The following ELAVL2 variants were observed in gnomAD, a reference collection of about 807,000 sequenced individuals.
ELAVL2 encodes the protein ELAV like RNA binding protein 2.
ELAVL2 carries 4 observed loss-of-function variants against 34.6 expected under a neutral mutation model. That is an observed-to-expected ratio of 0.12 (90% CI 0.06 to 0.26). The LOEUF (loss-of-function observed/expected upper bound fraction) is 0.26, where lower values mean the gene tolerates loss of function less well. ELAVL2 is among the 10% of genes least tolerant of loss of function. The probability of loss-of-function intolerance (pLI) is 1.00; values close to 1 mark genes in which losing one functional copy is unlikely to be tolerated. For synonymous variants in ELAVL2, 193 were observed against 154.8 expected, an observed-to-expected ratio of 1.25 and a Z score of -1.83; for missense variants, 432 against 442.8, an observed-to-expected ratio of 0.98 and a Z score of 0.22.
At chr9:23,700,739 T>C (rs1416318701) in intron 5 of ELAVL2, among the ~76,000 whole-genome samples, 1 of 152,146 alleles carries the variant, frequency 6.6e-6, no homozygotes, top group African/African-American at 2.4e-5. Context: ...GTAAACAATT[T>C]TGAAAAGGAA....
At chr9:23,714,782 G>C (rs957149132) in intron 3 of ELAVL2, among the ~76,000 whole-genome samples, 1 of 151,978 alleles carries the variant, frequency 6.6e-6, no homozygotes, top group East Asian at 1.9e-4. Flanking sequence ...TCGGCCACCT[G>C]ATGATTCAAT....
At chr9:23,712,444 A>C (rs1449609468) in intron 3 of ELAVL2, among the ~76,000 whole-genome samples, 4 of 152,168 alleles carry the variant, frequency 2.6e-5, no homozygotes, top group African/African-American at 9.6e-5. Flanking sequence ...GGAAATAATA[A>C]AACACATCAA....
intron 1 of ELAVL2, among the ~76,000 whole-genome samples, chr9:23,762,460 C>T (rs763347766): frequency 2.0e-5 from 3 of 152,070 alleles, no homozygotes; most frequent in Admixed American, 6.6e-5. Flanking sequence ...CATACATATT[C>T]CATACATGCA....
intron 5 of ELAVL2, among the ~76,000 whole-genome samples, chr9:23,696,762 G>A (rs964513620): frequency 2.6e-5 from 4 of 152,026 alleles, no homozygotes; most frequent in East Asian, 1.9e-4. Context: ...GAGCCACCAC[G>A]CCCAGCCATC....
At chr9:23,710,810 G>C (rs954911926) in intron 3 of ELAVL2, among the ~76,000 whole-genome samples, 1 of 152,136 alleles carries the variant, frequency 6.6e-6, no homozygotes, top group East Asian at 1.9e-4. Flanking sequence ...TAGGCTCTAA[G>C]TAAGCAGTAG....
intron 2 of ELAVL2, among the ~76,000 whole-genome samples, chr9:23,738,439 T>C (rs1160705034): frequency 1.3e-5 from 2 of 152,274 alleles, no homozygotes; most frequent in East Asian, 1.9e-4. Context: ...AAGATCAAAT[T>C]GTGAGATGGA....
chr9:23,735,913 G>C (rs1345197636), intron 2 of ELAVL2, among the ~76,000 whole-genome samples: 1 of 152,150 alleles, frequency 6.6e-6, no homozygotes, highest in South Asian at 2.1e-4. Context: ...AACCCGTTTA[G>C]TGGCAAAGTG....
chr9:23,809,266 G>A (rs891684789), intron 1 of ELAVL2, among the ~76,000 whole-genome samples: 3 of 152,042 alleles, frequency 2.0e-5, no homozygotes, highest in Non-Finnish European at 4.4e-5. Context: ...GCTTTCCATA[G>A]CACAAGGACA....
At chr9:23,729,620 T>C (rs1182271083) in intron 3 of ELAVL2, among the ~76,000 whole-genome samples, 2 of 152,154 alleles carry the variant, frequency 1.3e-5, no homozygotes, top group Non-Finnish European at 2.9e-5. Flanking sequence ...GTTCATTTTC[T>C]GATTGGTGAA....
chr9:23,759,644 C>T (rs2054398714), intron 2 of ELAVL2, among the ~76,000 whole-genome samples: 1 of 150,382 alleles, frequency 6.6e-6, no homozygotes. Flanking sequence ...AGCATCAAAA[C>T]ATCTCACTGT....
intron 3 of ELAVL2, among the ~76,000 whole-genome samples, chr9:23,711,213 G>A (rs1196075346): frequency 1.3e-5 from 2 of 152,166 alleles, no homozygotes; most frequent in African/African-American, 4.8e-5. Context: ...TTAAAGGTTA[G>A]GGCAGTTATC....
At chr9:23,840,424 T>G in the ELAVL2 span, among the ~76,000 whole-genome samples, 1 of 113,080 alleles carries the variant, frequency 8.8e-6, no homozygotes, top group Non-Finnish European at 2.1e-5. Context: ...CCACAGGTGA[T>G]TCTGATGAAC....
At chr9:23,743,658 C>G (rs2049821477) in intron 2 of ELAVL2, among the ~76,000 whole-genome samples, 1 of 152,120 alleles carries the variant, frequency 6.6e-6, no homozygotes, top group Non-Finnish European at 1.5e-5. Context: ...TCCTATGAAA[C>G]AGGAAAAACC....
chr9:23,761,894 C>G, intron 2 of ELAVL2, 112 bp downstream of exon 2: 1 of 1,334,254 alleles, frequency 7.5e-7, no homozygotes, highest in Non-Finnish European at 9.9e-7. Flanking sequence ...GAGAGAAAAT[C>G]TAGATATGTA....
chr9:23,749,704 A>T (rs1426549400), intron 2 of ELAVL2, among the ~76,000 whole-genome samples: 3 of 152,122 alleles, frequency 2.0e-5, no homozygotes, highest in Non-Finnish European at 4.4e-5. Context: ...TCCGGTGAAC[A>T]TTTCATTTAA....
chr9:23,718,446 T>G (rs1157146754), intron 3 of ELAVL2, among the ~76,000 whole-genome samples: 1 of 152,180 alleles, frequency 6.6e-6, no homozygotes, highest in Non-Finnish European at 1.5e-5. Flanking sequence ...GGGCAGCCTG[T>G]CTTTGGTAAT....
intron 3 of ELAVL2, among the ~76,000 whole-genome samples, chr9:23,716,574 G>A (rs926996349): frequency 6.6e-5 from 10 of 152,072 alleles, no homozygotes; most frequent in African/African-American, 1.9e-4. Context: ...GGTCTTCACT[G>A]TCTCTTATAA....
In ELAVL2 at chr9:23,813,472, A is replaced by C. The variant is rs919080708; in HGVS notation, c.-16+12334T>G. 7.3e-5 allele frequency among the ~76,000 whole-genome samples: 11 copies of C among 151,162 alleles called. No homozygotes were observed. In the South Asian group the frequency reaches 2.3e-3, roughly 31 times the overall value. On this transcript the variant is annotated intron_variant, in intron 1 of 6. Transcript: ENST00000397312. Reference sequence around the variant, plus strand: ...CTGTTGTCATTTATAAGCTCACAACATCAGCAATGAGGTTAGCAGGTGGGC... The same window carrying C: ...CTGTTGTCATTTATAAGCTCACAACCTCAGCAATGAGGTTAGCAGGTGGGC...
intron 3 of ELAVL2, among the ~76,000 whole-genome samples, chr9:23,724,938 T>C (rs2044691140): frequency 6.6e-6 from 1 of 152,130 alleles, no homozygotes; most frequent in South Asian, 2.1e-4. Flanking sequence ...GTCAGTTAAT[T>C]TGAGGCCTGT....
Sources: allele counts gnomAD v4.1 joint callset (sites outside exome capture counted in the v4.1 genomes callset), GRCh38; gene constraint gnomAD v4.1.1; transcripts MANE v1.5; gene names NCBI Gene and HGNC (gene_info 2026-07-23, HGNC 2026-07-21).